The following HSPA9 variants were observed in gnomAD, a reference collection of about 807,000 sequenced individuals.
HSPA9 encodes stress-70 protein, mitochondrial.
In HSPA9, 28 loss-of-function variants were observed where a neutral mutation model predicts 81.5. The observed-to-expected ratio is 0.34, with a 90% confidence interval of 0.25 to 0.47. The LOEUF (loss-of-function observed/expected upper bound fraction) is 0.47. HSPA9 is among the 20% of genes least tolerant of loss of function. The pLI, the probability that HSPA9 is intolerant of heterozygous loss-of-function variation, is 1.00. For missense variants in HSPA9, 678 were observed against 838.0 expected, an observed-to-expected ratio of 0.81 and a Z score of 2.36; for synonymous variants, 293 against 290.4, an observed-to-expected ratio of 1.01 and a Z score of -0.09.
chr5:138,562,320 C>T (rs1315265763), intron 9 of HSPA9, among the ~76,000 whole-genome samples: 1 of 147,460 alleles, frequency 6.8e-6, no homozygotes, highest in African/African-American at 2.5e-5. Flanking sequence ...GAGGGCGAGG[C>T]GGGTGGATCA....
chr5:138,564,038 A>T (rs570810446), intron 9 of HSPA9, among the ~76,000 whole-genome samples: 1 of 152,174 alleles, frequency 6.6e-6, no homozygotes, highest in South Asian at 2.1e-4. Context: ...CATCTCTCAG[A>T]TGCTATTCTT....
intron 12 of HSPA9, 113 bp downstream of exon 12, chr5:138,558,440 C>G: frequency 2.6e-6 from 2 of 777,190 alleles, no homozygotes; most frequent in Non-Finnish European, 4.6e-6. Context: ...CTTCTCAAGA[C>G]TACTCAGTAT....
chr5:138,573,937 CAGT>C, intron 2 of HSPA9, 87 bp from the exon 3 acceptor site: 1 of 1,241,648 alleles, frequency 8.1e-7, no homozygotes, highest in Non-Finnish European at 1.2e-6. Flanking sequence ...GGAAAATTAA[CAGT>C]GGTATACTAC....
intron 1 of HSPA9, 79 bp from the exon 2 acceptor site, chr5:138,574,205 T>C (rs771547178): frequency 1.1e-6 from 1 of 933,656 alleles, no homozygotes; most frequent in Admixed American, 1.8e-5. Context: ...GCTCACTTAG[T>C]ATATAAAATA....
At chr5:138,560,423 T>C (rs1232674272) in intron 10 of HSPA9, among the ~76,000 whole-genome samples, 1 of 152,254 alleles carries the variant, frequency 6.6e-6, no homozygotes, top group South Asian at 2.1e-4. Flanking sequence ...CCACATTCTC[T>C]TGTATATTAT....
Position 138,566,733 on chromosome 5 carries a change from C to T in HSPA9, c.880-15G>A. On this transcript the variant is annotated splice_polypyrimidine_tract_variant and intron_variant, in intron 8 of 16. Transcript: ENST00000297185. ...TCAACCCCTGTCTATAAAGTGAAGA[C>T]ATTGAACACCAAACACCAGCATTAG... 6.3e-7 allele frequency: 1 copy of T among 1,578,208 alleles called. No homozygotes were observed. Among genetic ancestry groups the T allele is most frequent in the Non-Finnish European group, 8.7e-7 (1 of 1,147,478 alleles).
intron 13 of HSPA9, 26 bp downstream of exon 13, chr5:138,557,843 A>G (rs770198749): frequency 1.6e-5 from 22 of 1,393,232 alleles, no homozygotes; most frequent in Non-Finnish European, 2.0e-5. Flanking sequence ...CCTCACTCTT[A>G]GGGTCTGATA....
rs766536822 is a variant in HSPA9, at chr5:138,568,955, A to T, written c.505T>A (p.Phe169Ile). 9.9e-6 allele frequency: 16 copies of T among 1,613,870 alleles called. No homozygotes were observed. The highest frequency in any genetic ancestry group is 4.0e-5 in the African/African-American group (3 of 74,924). Residue 169 changes from phenylalanine to isoleucine, a missense_variant, in exon 5 of 17, where the codon TTT (phenylalanine) becomes ATT (isoleucine). Physicochemically the swap from Phe to Ile is conservative, Grantham distance 21. Transcript: ENST00000297185. Reference sequence around the variant, plus strand: ...GTCTCTTTCATCTTCATCAACACAAATGCTCCAATCTGACTCGGAGAATAC... The same window carrying T: ...GTCTCTTTCATCTTCATCAACACAATTGCTCCAATCTGACTCGGAGAATAC... ...KLYSPSQIGA[F>I]VLMKMKETAE...
chr5:138,563,529 G>GC lies in HSPA9; in HGVS notation c.973-1741dup, dbSNP rs535407352. On this transcript the variant is annotated intron_variant, in intron 9 of 16. Coordinates refer to ENST00000297185, the MANE Select transcript of HSPA9 (RefSeq NM_004134.7). ...TTTTCTCAACACATGGTTACCAACA[G>GC]CCCCCCTACACCCACTCAGGGTGCC... Among the ~76,000 whole-genome samples, 524 of 152,144 alleles carry GC rather than the reference G, an allele frequency of 3.4e-3. 3 individuals carry two copies. The South Asian group carries it at 0.036, about 10-fold the overall frequency.
In HSPA9 at chr5:138,554,475, C is replaced by G. The variant is rs1170478409; in HGVS notation, c.*1562G>C. 6.6e-6 allele frequency among the ~76,000 whole-genome samples: 1 copy of G among 152,178 alleles called. No individual in the cohort carries two copies. The highest frequency in any genetic ancestry group is 2.4e-5 in the African/African-American group (1 of 41,440). ...TGTTCATGTGGTTGGAAACCTGAGCCTAGAATTTTTCACGAATCCCAAGAA... is the reference window on the plus strand; with the variant it reads ...TGTTCATGTGGTTGGAAACCTGAGCGTAGAATTTTTCACGAATCCCAAGAA... On this transcript the variant is annotated 3_prime_UTR_variant, in exon 17 of 17. Coordinates refer to ENST00000297185, the MANE Select transcript of HSPA9 (RefSeq NM_004134.7).
intron 2 of HSPA9, 39 bp from the exon 3 acceptor site, chr5:138,573,889 C>T: frequency 3.4e-6 from 5 of 1,488,630 alleles, no homozygotes; most frequent in Non-Finnish European, 4.7e-6. Flanking sequence ...CTATTGTTAT[C>T]TTGATAGACC....
At chr5:138,572,701 G>C (rs1166496059) in intron 3 of HSPA9, among the ~76,000 whole-genome samples, 1 of 151,942 alleles carries the variant, frequency 6.6e-6, no homozygotes, top group Non-Finnish European at 1.5e-5. Flanking sequence ...AACTGTCTAT[G>C]GTCTTCTTAT....
chr5:138,558,907 A>C (rs1750591817), intron 11 of HSPA9: 1 of 429,822 alleles, frequency 2.3e-6, no homozygotes, highest in African/African-American at 2.0e-5. Flanking sequence ...GAAGTCCTCA[A>C]AAGGAACTAA....
At position 138,573,850 on chromosome 5, in the gene HSPA9, T is replaced by G. The variant is rs749566890; in HGVS notation, c.141A>C (p.Ala47=). ...AFRLVSRRDY[A]SEAIKGAVVG... is the part of the protein sequence containing the mutation. ...CAACTGCTCCCTTGATTGCTTCTGA[T>G]CTGTAAGACATTTAGAACAGTGTCA... The change falls in exon 3 of 17, where the codon GCA becomes GCC. Residue 47 remains alanine (A), a splice_region_variant and synonymous_variant. Transcript: ENST00000297185. 2.0e-5 allele frequency: 32 copies of G among 1,609,092 alleles called. 1 individual carries two copies. The South Asian group carries it at 3.4e-4, about 17-fold the overall frequency.
At chr5:138,573,330 G>A (rs1433929335) in intron 3 of HSPA9, among the ~76,000 whole-genome samples, 3 of 152,124 alleles carry the variant, frequency 2.0e-5, no homozygotes, top group Non-Finnish European at 4.4e-5. Flanking sequence ...TGCCCGGTCA[G>A]CCCTGATCTA....
Position 138,554,541 on chromosome 5 carries a change from ATGT to A in HSPA9, c.*1493_*1495del, listed in dbSNP as rs750343659. 6.6e-6 allele frequency among the ~76,000 whole-genome samples: 1 copy of A among 152,242 alleles called. No homozygotes were observed. Among genetic ancestry groups the A allele is most frequent in the Non-Finnish European group, 1.5e-5 (1 of 68,034 alleles). On this transcript the variant is annotated 3_prime_UTR_variant, in exon 17 of 17. Transcript: ENST00000297185. ...TTAACAAGCACTGAATCTTCCAAAA[ATGT>A]TGTCTAAATCACTTCCTTCATACTT...
intron 1 of HSPA9, chr5:138,574,853 A>G (rs1212242717): frequency 4.5e-6 from 1 of 221,468 alleles, no homozygotes; most frequent in Non-Finnish European, 8.9e-6. Flanking sequence ...CACCGTATCA[A>G]CGGGATCCTT....
rs1292181801 is a variant in HSPA9 at position 138,575,375 on chromosome 5, G to A, written c.-57C>T. On this transcript the variant is annotated 5_prime_UTR_variant, in exon 1 of 17. Transcript: ENST00000297185. ...ACAAGCGCTCCGACGGCAAAGAGCTGCGCGATGCGGTGGCGGCAGCGCTTC... is the reference window on the plus strand; with the variant it reads ...ACAAGCGCTCCGACGGCAAAGAGCTACGCGATGCGGTGGCGGCAGCGCTTC... 9.1e-6 allele frequency: 13 copies of A among 1,426,252 alleles called. No homozygotes were observed. The highest frequency in any genetic ancestry group is 1.2e-5 in the Non-Finnish European group (12 of 1,016,194). The allele number at this position is 1,426,252 out of a possible 1,614,324, so 88.3% of individuals were successfully genotyped here.
Position 138,558,671 on chromosome 5 carries a change from A to T in HSPA9, c.1411-14T>A, listed in dbSNP as rs1413607253. On this transcript the variant is annotated splice_polypyrimidine_tract_variant and intron_variant, in intron 11 of 16. Transcript: ENST00000297185. ...AGTAGAGAATACCTAGGGAAGAAGA[A>T]ACCCTCCTGGGTTGTCAATGTGATT... is the stretch of plus-strand genomic sequence containing the variant. 5.9e-6 allele frequency: 9 copies of T among 1,531,166 alleles called. No individual in the cohort carries two copies. The highest frequency in any genetic ancestry group is 8.1e-6 in the Non-Finnish European group (9 of 1,104,406). The allele number at this position is 1,531,166 out of a possible 1,614,324, so 94.8% of individuals were successfully genotyped here.
Sources: allele counts gnomAD v4.1 joint callset (sites outside exome capture counted in the v4.1 genomes callset), GRCh38; gene constraint gnomAD v4.1.1; transcripts MANE v1.5; gene names NCBI Gene and HGNC (gene_info 2026-07-23, HGNC 2026-07-21).